The following EML1 variants were observed in gnomAD, a reference collection of about 807,000 sequenced individuals.
EML1 encodes the protein echinoderm microtubule-associated protein-like 1.
In EML1, 27 loss-of-function variants were observed where a neutral mutation model predicts 110.4. The ratio of observed to expected loss-of-function variants is 0.24; its 90% CI spans 0.18 to 0.34. The LOEUF is 0.34. Among genes scored for constraint, EML1 ranks in the 10% least tolerant of loss-of-function variants. The pLI is 1.00. For synonymous variants in EML1, 344 were observed against 385.8 expected (o/e 0.89, Z 1.27); for missense variants, 741 against 1,030.9 (o/e 0.72, Z 3.85).
intron 3 of EML1, among the ~76,000 whole-genome samples, chr14:99,875,638 G>A (rs370706164): frequency 6.6e-6 from 1 of 152,072 alleles, no homozygotes; most frequent in Admixed American, 6.5e-5. Context: ...CTCTTCTTGC[G>A]GCTGCAAAAT....
At chr14:99,921,685 A>G (rs2060133299) in intron 17 of EML1, among the ~76,000 whole-genome samples, 1 of 152,112 alleles carries the variant, frequency 6.6e-6, no homozygotes, top group Admixed American at 6.5e-5. Context: ...ACATCTCATC[A>G]TTTCATCTGT....
chr14:99,793,976 C>T (rs560970552), intron 1 of EML1, among the ~76,000 whole-genome samples: 1 of 152,268 alleles, frequency 6.6e-6, no homozygotes, highest in Non-Finnish European at 1.5e-5. Context: ...AATAACAAAA[C>T]CCTCCTGCGA....
At chr14:99,789,128 T>C (rs903896037), upstream of EML1, among the ~76,000 whole-genome samples, 1 of 152,192 alleles carries the variant, frequency 6.6e-6, no homozygotes, top group Non-Finnish European at 1.5e-5. Context: ...CATGGGTGTA[T>C]GAATATCTGT....
intron 1 of EML1, among the ~76,000 whole-genome samples, chr14:99,803,352 T>C (rs995383728): frequency 2.0e-5 from 3 of 152,264 alleles, no homozygotes; most frequent in African/African-American, 7.2e-5. Context: ...ATATACCACA[T>C]GTGCATATAA....
At chr14:99,864,511 C>T (rs746136293) in intron 2 of EML1, among the ~76,000 whole-genome samples, 1 of 151,972 alleles carries the variant, frequency 6.6e-6, no homozygotes, top group Non-Finnish European at 1.5e-5. Context: ...TCTAGGTTGC[C>T]TTTGTTGAAA....
chr14:99,748,473 A>G (rs1566847411), intron 1 of EML1, among the ~76,000 whole-genome samples: 1 of 151,702 alleles, frequency 6.6e-6, no homozygotes, highest in South Asian at 2.1e-4. Context: ...TGTATTATAT[A>G]ATTCACACAT....
chr14:99,762,686 C>T (rs1471599918), intron 1 of EML1, among the ~76,000 whole-genome samples: 2 of 152,150 alleles, frequency 1.3e-5, no homozygotes, highest in Non-Finnish European at 2.9e-5. Context: ...GTAGTCCCAA[C>T]TACACGAGAG....
intron 1 of EML1, among the ~76,000 whole-genome samples, chr14:99,805,089 C>G (rs2057947764): frequency 6.6e-6 from 1 of 152,192 alleles, no homozygotes; most frequent in Non-Finnish European, 1.5e-5. Flanking sequence ...AACCCTGCTC[C>G]CATGCCACGG....
chr14:99,850,181 T>G lies in EML1; in HGVS notation c.68-672T>G, dbSNP rs915226245. The stretch of plus-strand genomic sequence containing the variant: ...ATCAAACTCCTGCGCTCAAGCAGTC[T>G]GCCTACCTCAGCCTCCCAAAGTGTT... On this transcript the variant is annotated intron_variant, in intron 1 of 21. Coordinates refer to ENST00000262233, the MANE Select transcript of EML1 (RefSeq NM_004434.3). The G allele has an allele frequency of 8.3e-6, 6 of 720,460 alleles. No individual in the cohort carries two copies. The East Asian group carries it at 2.0e-4, about 24-fold the overall frequency. 44.6% of individuals were successfully genotyped at this position (720,460 alleles called of 1,614,324 possible).
chr14:99,788,130 C>A (rs1028202875), intron 1 of EML1, among the ~76,000 whole-genome samples: 1 of 152,178 alleles, frequency 6.6e-6, no homozygotes, highest in Non-Finnish European at 1.5e-5. Context: ...GCTCTACCCA[C>A]GGCTGTTCTG....
At chr14:99,923,676 T>C (rs7152282) in intron 17 of EML1, among the ~76,000 whole-genome samples, 114,179 of 147,684 alleles carry the variant, frequency 0.77, 44,427 homozygotes, top group African/African-American at 0.89. Flanking sequence ...TACTGTGACC[T>C]TAGAGGAAAT....
chr14:99,865,683 G>A (rs1341732489), intron 3 of EML1, 37 bp downstream of exon 3: 2 of 1,604,312 alleles, frequency 1.2e-6, no homozygotes, highest in South Asian at 1.1e-5. Flanking sequence ...AACTCTCAAA[G>A]CAGTTCTCTC....
At chr14:99,778,776 C>T (rs1029735223) in intron 1 of EML1, among the ~76,000 whole-genome samples, 1 of 152,048 alleles carries the variant, frequency 6.6e-6, no homozygotes, top group Non-Finnish European at 1.5e-5. Flanking sequence ...TAATTTTTTC[C>T]CTCAAAAATG....
At chr14:99,922,482 G>T (rs543917181) in intron 17 of EML1, among the ~76,000 whole-genome samples, 1 of 152,036 alleles carries the variant, frequency 6.6e-6, no homozygotes, top group Non-Finnish European at 1.5e-5. Flanking sequence ...TCATGTATAT[G>T]CCTTTTTGTG....
chr14:99,844,088 C>T (rs1031991303), intron 1 of EML1, among the ~76,000 whole-genome samples: 4 of 152,144 alleles, frequency 2.6e-5, no homozygotes, highest in African/African-American at 9.7e-5. Flanking sequence ...AGTCTCTTTC[C>T]CTTGAGCAAT....
chr14:99,800,339 T>C (rs1401951885), intron 1 of EML1, among the ~76,000 whole-genome samples: 1 of 150,468 alleles, frequency 6.6e-6, no homozygotes, highest in Non-Finnish European at 1.5e-5. Context: ...TTTAAAGGAC[T>C]TGTTTTTTTT....
In EML1 at chr14:99,928,665, G is replaced by T. The variant is rs190633603; in HGVS notation, c.1910-7364G>T. Among the ~76,000 whole-genome samples the T allele has an allele frequency of 5.9e-5, 9 of 152,292 alleles. No homozygotes were observed. In the East Asian group the frequency reaches 1.7e-3, roughly 29 times the overall value. On this transcript the variant is annotated intron_variant, in intron 17 of 21. Coordinates refer to ENST00000262233, the MANE Select transcript of EML1 (RefSeq NM_004434.3). The stretch of plus-strand genomic sequence containing the variant: ...ATACGTGGCTGACTCTGAGCTGCTG[G>T]TCTCTGTAGGGATCTTCTATTTTAT...
chr14:99,741,268 G>A (rs895232867), intron 1 of EML1, among the ~76,000 whole-genome samples: 13 of 152,120 alleles, frequency 8.5e-5, no homozygotes, highest in East Asian at 1.9e-4. Context: ...GTAACCTTCC[G>A]CCAGTCCCAC....
At chr14:99,835,719 TTG>T (rs1348900656) in intron 1 of EML1, among the ~76,000 whole-genome samples, 1 of 152,260 alleles carries the variant, frequency 6.6e-6, no homozygotes, top group Non-Finnish European at 1.5e-5. Context: ...GAGTTAGTAT[TTG>T]TGAAAGTTTT....
Sources: gnomAD v4.1 joint callset for allele counts (sites outside exome capture counted in the v4.1 genomes callset) on GRCh38, gnomAD v4.1.1 for gene constraint, MANE v1.5 for transcripts, NCBI Gene and HGNC (gene_info 2026-07-23, HGNC 2026-07-21) for gene names.